ZNF799: variants seen among roughly 807,000 people sequenced by gnomAD.
ZNF799 encodes zinc finger protein 799, also known as zinc finger protein 14.
In ZNF799, 28 loss-of-function variants were observed where a neutral mutation model predicts 41.0. The ratio of observed to expected loss-of-function variants is 0.68; its 90% confidence interval spans 0.51 to 0.94. The LOEUF is 0.94. ZNF799 is among the 40% of genes least tolerant of loss of function. The probability of loss-of-function intolerance (pLI) is 0.00; values close to 1 mark genes in which losing one functional copy is unlikely to be tolerated. For missense variants in ZNF799, 716 were observed against 764.3 expected (o/e 0.94, Z 0.74); for synonymous variants, 213 against 252.9 (o/e 0.84, Z 1.50).
At chr19:12,399,070 T>C (rs999746149) in intron 1 of ZNF799, among the ~76,000 whole-genome samples, 2 of 152,214 alleles carry the variant, frequency 1.3e-5, no homozygotes, top group African/African-American at 2.4e-5. Flanking sequence ...TCTCTAATCA[T>C]AGGATGTATT....
the ZNF799 span, among the ~76,000 whole-genome samples, chr19:12,410,254 CATATATATATATATATATATAT>C: frequency 0.03 from 1,835 of 62,008 alleles, 126 homozygotes; most frequent in East Asian, 0.34. Flanking sequence ...TGTCTGTGTG[CATATATATATATATATATATAT>C]ATATATATAT....
chr19:12,391,048 T>C lies in ZNF799; in HGVS notation c.1350A>G (p.Lys450=). ...CAATAAAGGCTTTCCCACATTTGCA[T>C]TTATAGGGTTTCTCTCCAGTATGAG... ...ETTHTGEKPY[K]CKCGKAFIDF... Residue 450 remains lysine, a synonymous_variant, in exon 4 of 4, where the codon AAA becomes AAG. Coordinates refer to ENST00000430385, the MANE Select transcript of ZNF799 (RefSeq NM_001080821.3). The C allele has an allele frequency of 6.2e-7, 1 of 1,614,084 alleles. No homozygotes were observed. Among genetic ancestry groups the C allele is most frequent in the South Asian group, 1.1e-5 (1 of 91,076 alleles).
chr19:12,404,070 CTT>C (rs1047399637), upstream of ZNF799, among the ~76,000 whole-genome samples: 3 of 152,192 alleles, frequency 2.0e-5, no homozygotes, highest in Non-Finnish European at 4.4e-5. Flanking sequence ...CAGAATTCCT[CTT>C]GTCATTGATT....
Position 12,391,890 on chromosome 19 carries a change from T to G in ZNF799, c.508A>C (p.Asn170His). ...ERLHTGKKPY[N>H]CKECGKSFSS... ...AAGGACTTCCCACATTCTTTACAAT[T>G]ATATGGTTTCTTTCCAGTGTGAAGC... Residue 170 changes from asparagine to histidine, a missense_variant, in exon 4 of 4, where the codon AAT becomes CAT. Around this residue, in one of 2 missense-constraint regions of ZNF799, gnomAD observed 698 missense variants for 713.6 expected, o/e 0.98. Transcript: ENST00000430385. 2.5e-6 allele frequency: 4 copies of G among 1,613,888 alleles called. No homozygotes were observed. Among genetic ancestry groups the G allele is most frequent in the Non-Finnish European group, 3.4e-6 (4 of 1,179,948 alleles).
chr19:12,410,295 AT>A, the ZNF799 span, among the ~76,000 whole-genome samples: 2 of 131,290 alleles, frequency 1.5e-5, no homozygotes, highest in African/African-American at 5.4e-5. Context: ...ATATATATAT[AT>A]ATCTTAGCCA....
the ZNF799 span, among the ~76,000 whole-genome samples, chr19:12,413,567 A>C: frequency 1.3e-3 from 195 of 152,372 alleles, no homozygotes; most frequent in Admixed American, 3.6e-3. Flanking sequence ...ACTCATATGG[A>C]GATAAATAAA....
At chr19:12,402,579 T>C (rs918627949), upstream of ZNF799, among the ~76,000 whole-genome samples, 1 of 151,654 alleles carries the variant, frequency 6.6e-6, no homozygotes, top group African/African-American at 2.4e-5. Flanking sequence ...CTGCCATATA[T>C]GGCTTTTATT....
In ZNF799 at chr19:12,401,079, T is replaced by C. The variant is rs773291246; in HGVS notation, c.-9A>G. The stretch of plus-strand genomic sequence containing the variant: ...CCCAGCACACGCACCATTTCCCGAC[T>C]TCCGCGGTGTCCCAGGTCCTCCGGA... On this transcript the variant is annotated 5_prime_UTR_variant, in exon 1 of 4. Coordinates refer to ENST00000430385, the MANE Select transcript of ZNF799 (RefSeq NM_001080821.3). 1 of 1,613,928 alleles carries C rather than the reference T, an allele frequency of 6.2e-7. No homozygotes were observed. Among genetic ancestry groups the C allele is most frequent in the East Asian group, 2.2e-5 (1 of 44,870 alleles).
In ZNF799 at chr19:12,391,502, T is replaced by A. The variant is rs760184827; in HGVS notation, c.896A>T (p.His299Leu). Residue 299 changes from histidine to leucine, a missense_variant, in exon 4 of 4, where the codon CAC (histidine) becomes CTC (leucine). His to Leu is a moderately conservative substitution (Grantham distance 99). This residue lies in a region of ZNF799 where 698 missense variants were observed against 713.6 expected (regional missense o/e 0.98). Coordinates refer to ENST00000430385, the MANE Select transcript of ZNF799 (RefSeq NM_001080821.3). ...TTTCTCATCAGTGTGAGTTGTTTCG[T>A]GTCTTCGAAGGGAAGTGGAAGCACT... ...AFSASTSLRRHETTHTDEKPY... is the reference protein window; with the variant it reads ...AFSASTSLRRLETTHTDEKPY... 5 of 1,614,148 alleles carry A rather than the reference T, an allele frequency of 3.1e-6. No homozygotes were observed. The African/African-American group carries it at 4.0e-5, about 13-fold the overall frequency.
Position 12,391,998 on chromosome 19 carries a change from G to C in ZNF799, c.400C>G (p.His134Asp). ...VGAGHKPYEY[H>D]ECGEKPDTHK... ...GTATCTGGCTTCTCTCCACATTCAT[G>C]ATACTCATATGGTTTGTGCCCAGCA... The change falls in exon 4 of 4, where the codon CAT (histidine) becomes GAT (aspartate). Residue 134 changes from histidine (H) to aspartate (D), a missense_variant. This residue lies in a region of ZNF799 where 698 missense variants were observed against 713.6 expected (regional missense o/e 0.98). Coordinates refer to ENST00000430385, the MANE Select transcript of ZNF799 (RefSeq NM_001080821.3). 1 of 1,614,164 alleles carries C rather than the reference G, an allele frequency of 6.2e-7. No homozygotes were observed.
At chr19:12,414,993 A>G in the ZNF799 span, among the ~76,000 whole-genome samples, 44 of 152,244 alleles carry the variant, frequency 2.9e-4, no homozygotes, top group East Asian at 7.7e-3. Flanking sequence ...AACCTGAAAC[A>G]TTAGACTTTG....
rs755343982 is a variant in ZNF799 at position 12,390,493 on chromosome 19, G to T, written c.1905C>A (p.Ser635=). 1.2e-6 allele frequency: 2 copies of T among 1,613,796 alleles called. No individual in the cohort carries two copies. The highest frequency in any genetic ancestry group is 2.2e-5 in the South Asian group (2 of 91,054). Residue 635 remains serine (S), a synonymous_variant, in exon 4 of 4, where the codon TCC becomes TCA. Coordinates refer to ENST00000430385, the MANE Select transcript of ZNF799 (RefSeq NM_001080821.3). ...AGTGAGTCTTTTTATGTCTATGCAA[G>T]GAACTGAGAGAAGCAAATGCTTTCC... ...ECGKAFASLS[S]LHRHKKTH
chr19:12,404,178 T>C (rs1449697771), upstream of ZNF799, among the ~76,000 whole-genome samples: 3 of 152,226 alleles, frequency 2.0e-5, no homozygotes, highest in African/African-American at 7.2e-5. Context: ...ATATGGTCTA[T>C]CCTTGAGAAT....
intron 1 of ZNF799, 64 bp downstream of exon 1, chr19:12,401,004 G>A: frequency 1.2e-6 from 2 of 1,613,596 alleles, no homozygotes; most frequent in South Asian, 2.2e-5. Flanking sequence ...TCCAGCCACA[G>A]CCGATTACTG....
chr19:12,410,289 A>G, the ZNF799 span, among the ~76,000 whole-genome samples: 7 of 121,796 alleles, frequency 5.7e-5, no homozygotes, highest in South Asian at 1.4e-3. Context: ...ATATATATAT[A>G]TATATATATC....
intron 1 of ZNF799, chr19:12,395,000 T>C (rs894279898): frequency 4.7e-6 from 2 of 422,918 alleles, no homozygotes; most frequent in African/African-American, 2.2e-5. Flanking sequence ...AATACCAGTC[T>C]TGAACACAGC....
In ZNF799 at chr19:12,392,629, T is replaced by C. The variant is rs538671708; in HGVS notation, c.165A>G (p.Gln55=). 7 of 1,600,582 alleles carry C rather than the reference T, an allele frequency of 4.4e-6. No homozygotes were observed. The highest frequency in any genetic ancestry group is 3.3e-5 in the Admixed American group (2 of 59,702). The change falls in exon 3 of 4, where the codon CAA becomes CAG. Residue 55 remains glutamine, a synonymous_variant. Coordinates refer to ENST00000430385, the MANE Select transcript of ZNF799 (RefSeq NM_001080821.3). ...MKWKDQNIED[Q]YRYPRKNLRC... is the part of the protein sequence containing the mutation. ...TTAGATTTTTCCTGGGATATCTATA[T>C]TGATCTTCAATGTTCTGGTCTTTCC...
upstream of ZNF799, among the ~76,000 whole-genome samples, chr19:12,404,832 C>A (rs1207154332): frequency 6.6e-6 from 1 of 152,120 alleles, no homozygotes; most frequent in East Asian, 1.9e-4. Flanking sequence ...TTATGACATA[C>A]CATCTCTGAT....
chr19:12,390,941 C>T lies in ZNF799; in HGVS notation c.1457G>A (p.Ser486Asn). ...ATGTTGAGAAAGGTATTGGAAACAA[C>T]TGAATGCTTTCCCACATTCCTTACA... ...YECKECGKAF[S>N]CFQYLSQHRR... Residue 486 changes from serine (S) to asparagine (N), a missense_variant, in exon 4 of 4, where the codon AGT becomes AAT. Coordinates refer to ENST00000430385, the MANE Select transcript of ZNF799 (RefSeq NM_001080821.3). The T allele has an allele frequency of 2.5e-6, 4 of 1,613,106 alleles. No homozygotes were observed. Among genetic ancestry groups the T allele is most frequent in the Non-Finnish European group, 3.4e-6 (4 of 1,179,724 alleles).
Sources: allele counts gnomAD v4.1 joint callset (sites outside exome capture counted in the v4.1 genomes callset), GRCh38; gene constraint gnomAD v4.1.1; regional missense constraint gnomAD v4.1.1; transcripts MANE v1.5; gene names NCBI Gene and HGNC (gene_info 2026-07-23, HGNC 2026-07-21).